The following PCDHA1 variants were observed in gnomAD, a reference collection of about 807,000 sequenced individuals.
PCDHA1 encodes protocadherin alpha 1, also known as protocadherin alpha-1.
A neutral mutation model predicts 61.3 loss-of-function variants in PCDHA1; 42 were observed. The observed-to-expected ratio is 0.69, with a 90% CI of 0.54 to 0.89. The LOEUF is 0.89. PCDHA1 is among the 40% of genes least tolerant of loss of function. The pLI, the probability that PCDHA1 is intolerant of heterozygous loss-of-function variation, is 0.00. For synonymous variants in PCDHA1, 610 were observed against 553.8 expected (o/e 1.10, Z -1.43); for missense variants, 1,256 against 1,235.3 (o/e 1.02, Z -0.25).
chr5:140,921,030 G>C (rs1266143728), intron 1 of PCDHA1, among the ~76,000 whole-genome samples: 2 of 151,532 alleles, frequency 1.3e-5, no homozygotes, highest in Admixed American at 6.6e-5. Context: ...TCTAGACTGG[G>C]GTGCAGTGGG....
intron 1 of PCDHA1, among the ~76,000 whole-genome samples, chr5:140,893,446 A>C (rs1305001651): frequency 6.6e-6 from 1 of 152,132 alleles, no homozygotes; most frequent in Non-Finnish European, 1.5e-5. Flanking sequence ...TGAAGCCAGG[A>C]GTTCAAGACC....
At chr5:140,933,119 G>A (rs782069505) in intron 1 of PCDHA1, among the ~76,000 whole-genome samples, 1 of 151,936 alleles carries the variant, frequency 6.6e-6, no homozygotes, top group African/African-American at 2.4e-5. Context: ...AAGAAACAAA[G>A]CTAAATAATA....
intron 3 of PCDHA1, 100 bp from the exon 4 acceptor site, chr5:141,009,527 G>A: frequency 6.6e-7 from 1 of 1,507,930 alleles, no homozygotes; most frequent in South Asian, 1.4e-5. Context: ...TTTCTGGGGA[G>A]GTTCAGCCTG....
intron 1 of PCDHA1, chr5:140,865,913 C>G (rs2049050417): frequency 6.6e-6 from 1 of 152,098 alleles, no homozygotes; most frequent in African/African-American, 2.4e-5. Flanking sequence ...ATCTTTCTTT[C>G]TGTTGTGCTT....
intron 1 of PCDHA1, chr5:140,883,858 G>C (rs2059854560): frequency 6.2e-7 from 1 of 1,613,142 alleles, no homozygotes; most frequent in Middle Eastern, 1.8e-4. Context: ...AGCTGGAGCT[G>C]TTGCAGTTCC....
intron 1 of PCDHA1, among the ~76,000 whole-genome samples, chr5:140,791,478 A>T (rs1412191864): frequency 6.6e-6 from 1 of 152,230 alleles, no homozygotes; most frequent in African/African-American, 2.4e-5. Flanking sequence ...AAATAAAATT[A>T]TGTTTATTTT....
At chr5:140,884,871 A>T (rs1193714340) in intron 1 of PCDHA1, among the ~76,000 whole-genome samples, 1 of 152,210 alleles carries the variant, frequency 6.6e-6, no homozygotes, top group Non-Finnish European at 1.5e-5. Context: ...CCATAATGAA[A>T]TGTGCAAAAC....
intron 1 of PCDHA1, among the ~76,000 whole-genome samples, chr5:140,939,041 T>G (rs2092303651): frequency 6.6e-6 from 1 of 152,222 alleles, no homozygotes; most frequent in Admixed American, 6.5e-5. Context: ...AAGAGTTGTC[T>G]TAGTCCATTT....
At chr5:140,817,865 A>G (rs1766220471) in intron 1 of PCDHA1, among the ~76,000 whole-genome samples, 1 of 152,208 alleles carries the variant, frequency 6.6e-6, no homozygotes, top group African/African-American at 2.4e-5. Context: ...AGTTTTGGGT[A>G]TTGAATGAAA....
chr5:140,829,635 G>A, intron 1 of PCDHA1: 1 of 1,612,310 alleles, frequency 6.2e-7, no homozygotes, highest in Non-Finnish European at 8.5e-7. Flanking sequence ...GCGGAGAGCG[G>A]CAAGGTGTAC....
chr5:140,835,557 C>T, intron 1 of PCDHA1: 2 of 1,613,936 alleles, frequency 1.2e-6, no homozygotes, highest in Admixed American at 1.7e-5. Context: ...CCTGACGCCC[C>T]GCGTTCCCTT....
intron 1 of PCDHA1, among the ~76,000 whole-genome samples, chr5:140,956,920 T>C (rs2095320734): frequency 1.3e-5 from 2 of 152,120 alleles, no homozygotes; most frequent in Non-Finnish European, 2.9e-5. Flanking sequence ...ACTTTAATCT[T>C]GCTGGATATA....
intron 1 of PCDHA1, chr5:140,795,386 G>T (rs1056911639): frequency 1.2e-6 from 2 of 1,614,144 alleles, no homozygotes. Flanking sequence ...AAGACTATCC[G>T]GTTTCCCGAA....
chr5:140,973,863 T>C (rs868937124), intron 1 of PCDHA1, among the ~76,000 whole-genome samples: 1 of 152,224 alleles, frequency 6.6e-6, no homozygotes. Context: ...TTGCTCTCAA[T>C]GAGAGGTCAG....
At chr5:140,862,736 T>C in intron 1 of PCDHA1, 1 of 575,338 alleles carries the variant, frequency 1.7e-6, no homozygotes, top group South Asian at 1.4e-5. Flanking sequence ...TCTAGCTATG[T>C]GTGGGTGCAC....
intron 1 of PCDHA1, chr5:140,966,378 G>A: frequency 2.5e-6 from 1 of 405,124 alleles, no homozygotes; most frequent in African/African-American, 2.1e-5. Flanking sequence ...AGCAGTCCGG[G>A]TTCGCTGTCC....
chr5:140,921,932 T>C (rs1249285993), intron 1 of PCDHA1, among the ~76,000 whole-genome samples: 1 of 152,080 alleles, frequency 6.6e-6, no homozygotes, highest in Non-Finnish European at 1.5e-5. Context: ...ATAGTCAATA[T>C]AATTTTACAC....
chr5:140,834,333 T>G (rs2150215417), intron 1 of PCDHA1: 2 of 1,490,244 alleles, frequency 1.3e-6, no homozygotes, highest in Non-Finnish European at 9.1e-7. Context: ...AACATTCCTA[T>G]AAATTCGAAG....
chr5:140,853,402 A>C, intron 1 of PCDHA1: 1 of 986,360 alleles, frequency 1.0e-6, no homozygotes, highest in Non-Finnish European at 1.2e-6. Context: ...CAAGTTCAAA[A>C]CAGAGAGGTG....
Sources: gnomAD v4.1 joint callset for allele counts (sites outside exome capture counted in the v4.1 genomes callset) on GRCh38, gnomAD v4.1.1 for gene constraint, MANE v1.5 for transcripts, NCBI Gene and HGNC (gene_info 2026-07-23, HGNC 2026-07-21) for gene names.